CERT1: variants seen among roughly 807,000 people sequenced by gnomAD.
CERT1 encodes the protein ceramide transfer protein.
CERT1 carries 31 observed loss-of-function variants against 87.9 expected under a neutral mutation model. The observed-to-expected ratio is 0.35, with a 90% CI of 0.27 to 0.48. CERT1 has a LOEUF of 0.48. Among genes scored for constraint, CERT1 ranks in the 20% least tolerant of loss-of-function variants. The pLI is 0.99. For synonymous variants in CERT1, 289 were observed against 250.9 expected, an observed-to-expected ratio of 1.15 and a Z score of -1.44; for missense variants, 487 against 758.0, an observed-to-expected ratio of 0.64 and a Z score of 4.20.
chr5:75,420,095 G>A (rs1763306324), intron 5 of CERT1, among the ~76,000 whole-genome samples: 1 of 151,264 alleles, frequency 6.6e-6, no homozygotes, highest in Non-Finnish European at 1.5e-5. Context: ...TTCCACCTCA[G>A]CCTCCCAAGT....
chr5:75,493,090 T>C (rs1028437315), intron 2 of CERT1, among the ~76,000 whole-genome samples: 3 of 152,226 alleles, frequency 2.0e-5, no homozygotes, highest in African/African-American at 7.2e-5. Context: ...CTTGTTTTGA[T>C]GGGGCATATC....
chr5:75,381,182 C>G lies in CERT1; in HGVS notation c.1637G>C (p.Arg546Pro). The G allele has an allele frequency of 6.2e-7, 1 of 1,614,112 alleles. No homozygotes were observed. The highest frequency in any genetic ancestry group is 8.5e-7 in the Non-Finnish European group (1 of 1,180,014). The change falls in exon 16 of 17, where the codon CGT (arginine) becomes CCT (proline). Residue 546 changes from arginine (R) to proline (P), a missense_variant. Arg to Pro is a moderately radical substitution (Grantham distance 103, BLOSUM62 -2). Coordinates refer to ENST00000643780, the MANE Select transcript of CERT1 (RefSeq NM_001379029.1). ...DSAPLNNRCV[R>P]AKINVAMICQ... is the part of the protein sequence containing the mutation. ...AATCATAGCAACATTTATTTTGGCA[C>G]GGACACATCGGTTGTTTAGCTGCCA...
intron 3 of CERT1, among the ~76,000 whole-genome samples, chr5:75,454,437 C>A (rs1281227099): frequency 1.3e-5 from 2 of 152,020 alleles, no homozygotes; most frequent in Non-Finnish European, 2.9e-5. Context: ...TTTTAGACTA[C>A]AAAAATGATG....
At chr5:75,450,449 A>G (rs1296555354) in intron 3 of CERT1, among the ~76,000 whole-genome samples, 1 of 152,168 alleles carries the variant, frequency 6.6e-6, no homozygotes, top group Non-Finnish European at 1.5e-5. Flanking sequence ...TTCCACCAAA[A>G]TGTATTTCTT....
chr5:75,444,499 T>C (rs141233772), intron 3 of CERT1, among the ~76,000 whole-genome samples: 4 of 152,206 alleles, frequency 2.6e-5, no homozygotes, highest in African/African-American at 9.6e-5. Flanking sequence ...CCTCATTTCC[T>C]GCATCACTGT....
intron 11 of CERT1, among the ~76,000 whole-genome samples, chr5:75,399,050 T>C (rs1221844022): frequency 6.6e-6 from 1 of 152,204 alleles, no homozygotes; most frequent in Non-Finnish European, 1.5e-5. Flanking sequence ...GTATCTTCTA[T>C]TTGTTTCAAT....
intron 6 of CERT1, among the ~76,000 whole-genome samples, chr5:75,418,158 AAAT>A (rs747746805): frequency 5.9e-5 from 9 of 152,034 alleles, no homozygotes; most frequent in South Asian, 4.1e-4. Context: ...CTCTGTCTCA[AAAT>A]AATAATAATA....
Position 75,411,060 on chromosome 5 carries a change from G to C in CERT1, c.881C>G (p.Ala294Gly), listed in dbSNP as rs1200398855. 1 of 1,593,978 alleles carries C rather than the reference G, an allele frequency of 6.3e-7. No homozygotes were observed. The highest frequency in any genetic ancestry group is 8.6e-7 in the Non-Finnish European group (1 of 1,168,122). Reference sequence around the variant, plus strand: ...GGATTTTTTCTTAAGTTCTGTCATTGCATTTTTATATGCTTCCTCTGTTCT... The same window carrying C: ...GGATTTTTTCTTAAGTTCTGTCATTCCATTTTTATATGCTTCCTCTGTTCT... ...KRRTEEAYKN[A>G]MTELKKKSHF... The change falls in exon 8 of 17, where the codon GCA becomes GGA. Residue 294 changes from alanine (A) to glycine (G), a missense_variant. Physicochemically the swap from Ala to Gly is moderately conservative, Grantham distance 60. This residue lies in a region of CERT1 where 21 missense variants were observed against 20.4 expected (regional missense o/e 1.03). Coordinates refer to ENST00000643780, the MANE Select transcript of CERT1 (RefSeq NM_001379029.1).
At chr5:75,429,587 G>A (rs1020188470) in intron 3 of CERT1, among the ~76,000 whole-genome samples, 1 of 152,102 alleles carries the variant, frequency 6.6e-6, no homozygotes, top group African/African-American at 2.4e-5. Flanking sequence ...GAGAGACTGA[G>A]GCAGAAGAAT....
At chr5:75,380,255 TAA>T (rs1761507250) in intron 16 of CERT1, among the ~76,000 whole-genome samples, 3 of 152,092 alleles carry the variant, frequency 2.0e-5, no homozygotes, top group Admixed American at 2.0e-4. Context: ...CAAATATATG[TAA>T]CTAGCAACTA....
rs562376125 is a variant in CERT1, at chr5:75,404,223, A to C, written c.931-1165T>G. Among the ~76,000 whole-genome samples the C allele has an allele frequency of 7.3e-5, 11 of 151,056 alleles. No individual in the cohort carries two copies. In the East Asian group the frequency reaches 2.2e-3, roughly 30 times the overall value. ...TCACGTTCTTGTCATTTGGCATATA[A>C]GAAATGTTGACTTAATGGAGTTCTT... is the stretch of plus-strand genomic sequence containing the variant. On this transcript the variant is annotated intron_variant, in intron 8 of 16. Coordinates refer to ENST00000643780, the MANE Select transcript of CERT1 (RefSeq NM_001379029.1).
Position 75,389,597 on chromosome 5 carries a change from T to A in CERT1, c.1279A>T (p.Met427Leu). The A allele has an allele frequency of 1.2e-6, 2 of 1,613,046 alleles. No individual in the cohort carries two copies. Among genetic ancestry groups the A allele is most frequent in the Non-Finnish European group, 1.7e-6 (2 of 1,179,012 alleles). The change falls in exon 12 of 17, where the codon ATG (methionine) becomes TTG (leucine). Residue 427 changes from methionine (M) to leucine (L), a missense_variant. Around this residue, in one of 8 missense-constraint regions of CERT1, gnomAD observed 147 missense variants for 200.8 expected, o/e 0.73. Transcript: ENST00000643780. The part of the protein sequence containing the change: ...NWQLVVEEGE[M>L]KVYRREVEEN... ...AACATTTCAGGGGGAATTACCTTCA[T>A]TTCTCCTTCTTCTACAACCAACTGC...
chr5:75,500,539 T>C (rs1041193191), intron 2 of CERT1, among the ~76,000 whole-genome samples: 1 of 152,194 alleles, frequency 6.6e-6, no homozygotes, highest in African/African-American at 2.4e-5. Flanking sequence ...GCTAAACAGA[T>C]AAATTATGAG....
At chr5:75,511,685 A>G (rs5744541), upstream of CERT1, 1,354 of 1,485,926 alleles carry the variant, frequency 9.1e-4, 16 homozygotes, top group African/African-American at 0.018. Context: ...CTCCCCCACT[A>G]CTCCCCGCCC....
At chr5:75,480,735 A>G (rs1252881982) in intron 2 of CERT1, among the ~76,000 whole-genome samples, 2 of 152,280 alleles carry the variant, frequency 1.3e-5, no homozygotes, top group East Asian at 3.9e-4. Context: ...AATGGTAACA[A>G]TACAGTTGCT....
chr5:75,416,211 T>C (rs913353302), intron 7 of CERT1, among the ~76,000 whole-genome samples: 1 of 152,326 alleles, frequency 6.6e-6, no homozygotes. Context: ...TGGGCCTCAA[T>C]TCCTTCTTCT....
intron 3 of CERT1, among the ~76,000 whole-genome samples, chr5:75,451,312 T>TA (rs1228868577): frequency 6.6e-6 from 1 of 152,196 alleles, no homozygotes; most frequent in Non-Finnish European, 1.5e-5. Flanking sequence ...TGCTGCTTAA[T>TA]AAAGGTCAGT....
intron 5 of CERT1, among the ~76,000 whole-genome samples, chr5:75,424,531 G>A (rs1055015830): frequency 2.7e-5 from 4 of 150,588 alleles, no homozygotes; most frequent in Non-Finnish European, 4.4e-5. Flanking sequence ...GAGATCACGC[G>A]ACTGCACTCC....
chr5:75,426,277 T>C, intron 4 of CERT1, 94 bp downstream of exon 4: 1 of 772,004 alleles, frequency 1.3e-6, no homozygotes, highest in Non-Finnish European at 2.1e-6. Context: ...ATAAAAAAGT[T>C]TGTTCAAAAA....
Sources: gnomAD v4.1 joint callset for allele counts (sites outside exome capture counted in the v4.1 genomes callset) on GRCh38, gnomAD v4.1.1 for gene constraint, gnomAD v4.1.1 regional missense constraint, MANE v1.5 for transcripts, NCBI Gene and HGNC (gene_info 2026-07-23, HGNC 2026-07-21) for gene names.